The following SEC24D variants were observed in gnomAD, a reference collection of about 807,000 sequenced individuals.
SEC24D encodes the protein protein transport protein Sec24D.
Under a neutral mutation model 116.9 loss-of-function variants are expected in SEC24D, and 69 were observed. That is an observed-to-expected ratio of 0.59 (90% confidence interval 0.49 to 0.72). The LOEUF is 0.72. Among genes scored for constraint, SEC24D ranks in the 30% least tolerant of loss-of-function variants. SEC24D has a pLI of 0.00. For synonymous variants in SEC24D, 405 were observed against 442.8 expected (o/e 0.91, Z 1.07); for missense variants, 1,131 against 1,264.1 (o/e 0.89, Z 1.60).
At chr4:118,805,417 A>G (rs1248214577) in intron 7 of SEC24D, among the ~76,000 whole-genome samples, 1 of 152,200 alleles carries the variant, frequency 6.6e-6, no homozygotes, top group East Asian at 1.9e-4. Flanking sequence ...TAAATGTGGG[A>G]AAACAGAACC....
At position 118,728,615 on chromosome 4, in the gene SEC24D, T is replaced by C. The variant is rs1038545597; in HGVS notation, c.2904A>G (p.Gln968=). Residue 968 remains glutamine (Q), a synonymous_variant, in exon 22 of 23, where the codon CAA becomes CAG. Coordinates refer to ENST00000280551, the MANE Select transcript of SEC24D (RefSeq NM_014822.4). ...LLPEVGNPYS[Q]QLRMIMGIIQ... is the part of the protein sequence containing the mutation. Reference sequence around the variant, plus strand: ...TAATACCCATTATCATTCTGAGTTGTTGAGAGTATGGGTTTCCCACTTCAG... The same window carrying C: ...TAATACCCATTATCATTCTGAGTTGCTGAGAGTATGGGTTTCCCACTTCAG... 8 of 1,611,350 alleles carry C rather than the reference T, an allele frequency of 5.0e-6. No homozygotes were observed. The African/African-American group carries it at 8.0e-5, about 16-fold the overall frequency.
chr4:118,755,711 A>AT (rs1727062050), intron 11 of SEC24D, among the ~76,000 whole-genome samples: 4 of 152,330 alleles, frequency 2.6e-5, no homozygotes, highest in Non-Finnish European at 5.9e-5. Flanking sequence ...GCTGTTTGGC[A>AT]AGTAGATCAA....
chr4:118,819,563 T>C (rs995719801), intron 3 of SEC24D, among the ~76,000 whole-genome samples: 2 of 141,706 alleles, frequency 1.4e-5, no homozygotes, highest in African/African-American at 2.6e-5. Context: ...AAGTTTGTCA[T>C]AGGGAATAAA....
chr4:118,765,164 G>A (rs1727584531), intron 9 of SEC24D, among the ~76,000 whole-genome samples: 1 of 151,890 alleles, frequency 6.6e-6, no homozygotes, highest in South Asian at 2.1e-4. Context: ...AGAGAAACAG[G>A]GTATAAAAGT....
At chr4:118,797,324 T>G (rs10518322) in intron 8 of SEC24D, among the ~76,000 whole-genome samples, 39,872 of 152,110 alleles carry the variant, frequency 0.26, 6,408 homozygotes, top group East Asian at 0.45. Flanking sequence ...GACTATAGGA[T>G]CTATCATCTT....
intron 2 of SEC24D, among the ~76,000 whole-genome samples, chr4:118,830,090 G>A (rs1730780471): frequency 6.6e-6 from 1 of 152,198 alleles, no homozygotes; most frequent in Non-Finnish European, 1.5e-5. Context: ...ATAAGAGCTG[G>A]AGTAATTTAG....
At chr4:118,724,196 G>C (rs900616396) in intron 22 of SEC24D, among the ~76,000 whole-genome samples, 5 of 152,100 alleles carry the variant, frequency 3.3e-5, no homozygotes, top group African/African-American at 2.4e-5. Flanking sequence ...TGAAGTGTCT[G>C]GGTGGGAGAT....
intron 21 of SEC24D, chr4:118,731,076 G>T (rs1350093236): frequency 4.2e-6 from 2 of 480,642 alleles, no homozygotes; most frequent in African/African-American, 3.9e-5. Context: ...CATAGTTAAT[G>T]ATCTGGAAGT....
At position 118,815,803 on chromosome 4, in the gene SEC24D, G is replaced by A. The variant is rs997265280; in HGVS notation, c.398-77C>T. The A allele has an allele frequency of 4.4e-5, 65 of 1,489,564 alleles. 1 individual carries two copies. The East Asian group carries it at 4.8e-4, about 11-fold the overall frequency. 92.3% of individuals were successfully genotyped at this position (1,489,564 alleles called of 1,614,324 possible). On this transcript the variant is annotated intron_variant, in intron 4 of 22. Coordinates refer to ENST00000280551, the MANE Select transcript of SEC24D (RefSeq NM_014822.4). ...TGACTTCTGCAAAGTACATGACAGAGATGTTTGTTTTCCTGACATAAAGCA... is the reference window on the plus strand; with the variant it reads ...TGACTTCTGCAAAGTACATGACAGAAATGTTTGTTTTCCTGACATAAAGCA...
At chr4:118,793,459 T>G (rs1578442462) in intron 8 of SEC24D, among the ~76,000 whole-genome samples, 1 of 100,428 alleles carries the variant, frequency 1.0e-5, no homozygotes, top group Non-Finnish European at 1.8e-5. Flanking sequence ...AGAGCGAGAC[T>G]CCGTCTCAAA....
In SEC24D at chr4:118,742,832, T is replaced by C. The variant is rs572871386; in HGVS notation, c.1995+1156A>G. Among the ~76,000 whole-genome samples the C allele has an allele frequency of 2.0e-5, 3 of 152,270 alleles. No homozygotes were observed. In the East Asian group the frequency reaches 5.8e-4, roughly 29 times the overall value. On this transcript the variant is annotated intron_variant, in intron 15 of 22. Coordinates refer to ENST00000280551, the MANE Select transcript of SEC24D (RefSeq NM_014822.4). ...GGTGATGGGGAGTGACTCATCTGAT[T>C]AATAAGTTTGGGAAAAGGAACTGGG...
At chr4:118,822,884 T>G (rs546344746) in intron 3 of SEC24D, among the ~76,000 whole-genome samples, 15 of 152,162 alleles carry the variant, frequency 9.9e-5, no homozygotes, top group Non-Finnish European at 1.9e-4. Flanking sequence ...CCATGAATTT[T>G]TCTAGGTCTT....
At chr4:118,776,319 G>A (rs115135093) in intron 8 of SEC24D, among the ~76,000 whole-genome samples, 1 of 152,130 alleles carries the variant, frequency 6.6e-6, no homozygotes, top group Non-Finnish European at 1.5e-5. Flanking sequence ...TTTAAAGCAA[G>A]CACAGCTGTG....
At chr4:118,751,790 T>G (rs1195050384) in intron 13 of SEC24D, among the ~76,000 whole-genome samples, 1 of 152,218 alleles carries the variant, frequency 6.6e-6, no homozygotes, top group Non-Finnish European at 1.5e-5. Flanking sequence ...GTTGCTCAGA[T>G]GCTAACAGTG....
chr4:118,792,131 G>A (rs1045858483), intron 8 of SEC24D, among the ~76,000 whole-genome samples: 52 of 150,996 alleles, frequency 3.4e-4, no homozygotes, highest in Admixed American at 7.2e-4. Flanking sequence ...GCCTCTGCCC[G>A]GCCGCGACCC....
In SEC24D at chr4:118,744,051, C is replaced by T; in HGVS notation, c.1932G>A (p.Val644=). The stretch of plus-strand genomic sequence containing the variant: ...GCTGAGGAACCAGCCCCAGCGAGGC[C>T]ACGTCCACATACTGACTAGGAAAGA... The part of the protein sequence containing the change: ...LFLFPSQYVD[V]ASLGLVPQLT... The change falls in exon 15 of 23, where the codon GTG becomes GTA. Residue 644 remains valine, a synonymous_variant. Coordinates refer to ENST00000280551, the MANE Select transcript of SEC24D (RefSeq NM_014822.4). The T allele has an allele frequency of 1.9e-6, 3 of 1,613,540 alleles. No homozygotes were observed. The highest frequency in any genetic ancestry group is 2.5e-6 in the Non-Finnish European group (3 of 1,179,672).
chr4:118,773,858 C>G (rs906547035), intron 8 of SEC24D, among the ~76,000 whole-genome samples: 3 of 152,154 alleles, frequency 2.0e-5, no homozygotes, highest in Non-Finnish European at 4.4e-5. Flanking sequence ...AAAAAAGGTA[C>G]AGTTCAATAG....
At chr4:118,799,938 G>T (rs1430396555) in intron 7 of SEC24D, among the ~76,000 whole-genome samples, 1 of 151,608 alleles carries the variant, frequency 6.6e-6, no homozygotes, top group Non-Finnish European at 1.5e-5. Flanking sequence ...ATGAGAGAAG[G>T]TTTTTTTTAA....
At chr4:118,790,534 A>G (rs1349784085) in intron 8 of SEC24D, among the ~76,000 whole-genome samples, 5 of 152,166 alleles carry the variant, frequency 3.3e-5, no homozygotes. Flanking sequence ...TGCTACATAT[A>G]TACCTCAGAA....
Sources: allele counts gnomAD v4.1 joint callset (sites outside exome capture counted in the v4.1 genomes callset), GRCh38; gene constraint gnomAD v4.1.1; transcripts MANE v1.5; gene names NCBI Gene and HGNC (gene_info 2026-07-23, HGNC 2026-07-21).